The following VPS13B variants were observed in gnomAD, a reference collection of about 807,000 sequenced individuals.
VPS13B encodes the protein vacuolar protein sorting 13 homolog B.
In VPS13B, 285 loss-of-function variants were observed where a neutral mutation model predicts 426.4. The ratio of observed to expected loss-of-function variants is 0.67; its 90% CI spans 0.61 to 0.74. VPS13B has a LOEUF of 0.74. Among genes scored for constraint, VPS13B ranks in the 30% least tolerant of loss-of-function variants. VPS13B has a pLI of 0.00. For synonymous variants in VPS13B, 1,676 were observed against 1,676.4 expected, an observed-to-expected ratio of 1.00 and a Z score of 0.01; for missense variants, 4,537 against 4,782.6, an observed-to-expected ratio of 0.95 and a Z score of 1.51.
intron 35 of VPS13B, among the ~76,000 whole-genome samples, chr8:99,682,015 A>G (rs574116999): frequency 2.6e-5 from 4 of 152,350 alleles, no homozygotes; most frequent in Non-Finnish European, 5.9e-5. Flanking sequence ...ATAAATCTAT[A>G]AAAGATTTAA....
chr8:99,245,993 C>T (rs2132902409), intron 17 of VPS13B, among the ~76,000 whole-genome samples: 1 of 152,310 alleles, frequency 6.6e-6, no homozygotes, highest in Middle Eastern at 3.4e-3. Flanking sequence ...AATAATCTGG[C>T]ATTAAAAATC....
intron 30 of VPS13B, among the ~76,000 whole-genome samples, chr8:99,552,019 TTC>T (rs1824306971): frequency 6.6e-6 from 1 of 151,966 alleles, no homozygotes; most frequent in East Asian, 1.9e-4. Flanking sequence ...TTTTTAGACT[TTC>T]TCTCTCTATT....
intron 3 of VPS13B, among the ~76,000 whole-genome samples, chr8:99,051,810 C>G (rs1843570901): frequency 1.3e-5 from 2 of 152,238 alleles, no homozygotes; most frequent in Non-Finnish European, 1.5e-5. Flanking sequence ...TGGGAGTTCA[C>G]TCATTATTTG....
intron 17 of VPS13B, among the ~76,000 whole-genome samples, chr8:99,199,892 TA>T (rs1365073587): frequency 6.6e-6 from 1 of 152,192 alleles, no homozygotes. Context: ...TTTATTTATA[TA>T]AAATTTTTGT....
At chr8:99,835,881 G>A (rs894099533) in intron 54 of VPS13B, 143 bp downstream of exon 54, 25 of 842,186 alleles carry the variant, frequency 3.0e-5, no homozygotes, top group Admixed American at 2.6e-4. Context: ...CCATTTTTAC[G>A]TCCTCATTAA....
intron 3 of VPS13B, among the ~76,000 whole-genome samples, chr8:99,075,442 A>G (rs942736626): frequency 6.6e-6 from 1 of 152,182 alleles, no homozygotes; most frequent in Non-Finnish European, 1.5e-5. Context: ...TATTGTAAGG[A>G]TAATTCCAAG....
intron 51 of VPS13B, among the ~76,000 whole-genome samples, chr8:99,827,567 T>A (rs1051393400): frequency 6.6e-6 from 1 of 151,806 alleles, no homozygotes; most frequent in Non-Finnish European, 1.5e-5. Context: ...AAGAGTTTTT[T>A]ATGTCTTTAT....
chr8:99,577,666 G>A (rs1825841334), intron 33 of VPS13B, 33 bp downstream of exon 33: 2 of 1,611,378 alleles, frequency 1.2e-6, no homozygotes, highest in African/African-American at 1.3e-5. Flanking sequence ...CAGGCTTACT[G>A]CATTTGTTCC....
intron 19 of VPS13B, among the ~76,000 whole-genome samples, chr8:99,307,253 A>G (rs753558882): frequency 1.4e-4 from 22 of 152,236 alleles, no homozygotes; most frequent in Middle Eastern, 3.4e-3. Flanking sequence ...CTTCAGAGAA[A>G]ATAGCATTAA....
chr8:99,061,973 T>C (rs1007067165), intron 3 of VPS13B, among the ~76,000 whole-genome samples: 1 of 152,232 alleles, frequency 6.6e-6, no homozygotes, highest in Non-Finnish European at 1.5e-5. Flanking sequence ...TGTTATTTTG[T>C]GCTTCTGTGT....
chr8:99,160,488 A>G (rs1021592334), intron 15 of VPS13B, among the ~76,000 whole-genome samples: 2 of 151,544 alleles, frequency 1.3e-5, no homozygotes, highest in Non-Finnish European at 2.9e-5. Context: ...GTGAAACCTC[A>G]TCTCTACAAA....
intron 17 of VPS13B, among the ~76,000 whole-genome samples, chr8:99,270,122 T>C (rs769270337): frequency 2.8e-5 from 4 of 142,562 alleles, no homozygotes; most frequent in Non-Finnish European, 6.1e-5. Flanking sequence ...GTATATAAGA[T>C]ATAAGAATCT....
intron 17 of VPS13B, among the ~76,000 whole-genome samples, chr8:99,216,812 T>A (rs1815415892): frequency 6.6e-6 from 1 of 152,088 alleles, no homozygotes; most frequent in African/African-American, 2.4e-5. Flanking sequence ...ATTGAATAAG[T>A]AAAAATGTTA....
At chr8:99,147,667 G>A (rs1161122074) in intron 13 of VPS13B, among the ~76,000 whole-genome samples, 174 bp from the exon 14 acceptor site, 1 of 152,064 alleles carries the variant, frequency 6.6e-6, no homozygotes, top group Non-Finnish European at 1.5e-5. Flanking sequence ...ATTTACATTC[G>A]AGAATAGTGC....
intron 7 of VPS13B, among the ~76,000 whole-genome samples, chr8:99,116,608 A>AT (rs1847665263): frequency 6.8e-6 from 1 of 148,000 alleles, no homozygotes; most frequent in Non-Finnish European, 1.5e-5. Flanking sequence ...TAATTTTTGC[A>AT]TTTTTTGTAG....
intron 3 of VPS13B, among the ~76,000 whole-genome samples, chr8:99,039,758 A>T (rs923816338): frequency 2.0e-5 from 3 of 152,142 alleles, no homozygotes; most frequent in Admixed American, 2.0e-4. Context: ...TTTGAGTGCC[A>T]TATCAACCCA....
At chr8:99,396,625 G>GTT (rs113820934) in intron 21 of VPS13B, among the ~76,000 whole-genome samples, 1 of 150,258 alleles carries the variant, frequency 6.7e-6, no homozygotes, top group African/African-American at 2.4e-5. Context: ...ACTTCAGTGT[G>GTT]TTTTTTTTTG....
intron 28 of VPS13B, 36 bp from the exon 29 acceptor site, chr8:99,511,068 T>G (rs1428819308): frequency 1.9e-6 from 3 of 1,606,978 alleles, no homozygotes; most frequent in Non-Finnish European, 2.5e-6. Context: ...ATCTTTTTAA[T>G]GAACTGTGTA....
chr8:99,122,684 C>T (rs1017941284), intron 8 of VPS13B, among the ~76,000 whole-genome samples: 1 of 152,164 alleles, frequency 6.6e-6, no homozygotes, highest in African/African-American at 2.4e-5. Flanking sequence ...TCAATGCCAG[C>T]TGTGTCTAAG....
Sources: allele counts gnomAD v4.1 joint callset (sites outside exome capture counted in the v4.1 genomes callset), GRCh38; gene constraint gnomAD v4.1.1; transcripts MANE v1.5; gene names NCBI Gene and HGNC (gene_info 2026-07-23, HGNC 2026-07-21).